Variants in ELAPOR2 observed in about 807,000 individuals in gnomAD.
The protein encoded by ELAPOR2 is endosome-lysosome associated apoptosis and autophagy regulator family member 2, also known as endosome/lysosome-associated apoptosis and autophagy regulator family member 2.
ELAPOR2 carries 89 observed loss-of-function variants against 120.7 expected under a neutral mutation model. The ratio of observed to expected loss-of-function variants is 0.74; its 90% confidence interval spans 0.62 to 0.88. ELAPOR2 has a LOEUF of 0.88. Among genes scored for constraint, ELAPOR2 ranks in the 40% least tolerant of loss-of-function variants. The pLI is 0.00. For synonymous variants in ELAPOR2, 444 were observed against 444.9 expected, an observed-to-expected ratio of 1.00 and a Z score of 0.03; for missense variants, 1,134 against 1,251.6, an observed-to-expected ratio of 0.91 and a Z score of 1.42.
intron 8 of ELAPOR2, among the ~76,000 whole-genome samples, chr7:86,928,046 T>A (rs1933865732): frequency 6.6e-6 from 1 of 152,024 alleles, no homozygotes; most frequent in Non-Finnish European, 1.5e-5. Context: ...GTAGATTAAC[T>A]TATCTGAAGA....
intron 1 of ELAPOR2, among the ~76,000 whole-genome samples, chr7:87,054,969 C>T (rs1795217243): frequency 6.6e-6 from 1 of 152,226 alleles, no homozygotes; most frequent in African/African-American, 2.4e-5. Context: ...CTACATGTCT[C>T]CTTTGTGAAC....
At chr7:86,922,818 C>A (rs1263630075) in intron 10 of ELAPOR2, among the ~76,000 whole-genome samples, 1 of 151,644 alleles carries the variant, frequency 6.6e-6, no homozygotes. Context: ...TCTATATATT[C>A]AATATTTTTC....
chr7:86,929,303 C>CT (rs2116254715), intron 8 of ELAPOR2, among the ~76,000 whole-genome samples: 1 of 151,914 alleles, frequency 6.6e-6, no homozygotes, highest in East Asian at 1.9e-4. Context: ...TGCACTAAGT[C>CT]TTTATAAATT....
chr7:86,891,986 G>A, intron 20 of ELAPOR2, 97 bp from the exon 21 acceptor site: 2 of 784,376 alleles, frequency 2.5e-6, no homozygotes, highest in Non-Finnish European at 3.9e-6. Context: ...TCATTAAATT[G>A]ACTTGGAGTA....
intron 1 of ELAPOR2, among the ~76,000 whole-genome samples, chr7:87,043,298 G>C (rs941877322): frequency 1.3e-5 from 2 of 151,304 alleles, no homozygotes; most frequent in African/African-American, 4.9e-5. Flanking sequence ...GTCAGGCAGA[G>C]ACACAACAAA....
At chr7:86,944,854 T>A in intron 4 of ELAPOR2, 45 bp downstream of exon 4, 1 of 1,467,884 alleles carries the variant, frequency 6.8e-7, no homozygotes, top group Non-Finnish European at 9.1e-7. Flanking sequence ...GAAATTTACA[T>A]GAATGTCCCT....
intron 21 of ELAPOR2, chr7:86,891,441 G>A (rs1300993338): frequency 6.8e-6 from 2 of 295,962 alleles, no homozygotes; most frequent in Middle Eastern, 9.0e-4. Context: ...AGTACACATA[G>A]CTATCTCAAT....
intron 2 of ELAPOR2, among the ~76,000 whole-genome samples, chr7:86,962,016 C>T (rs1428323056): frequency 6.6e-6 from 1 of 152,096 alleles, no homozygotes; most frequent in Non-Finnish European, 1.5e-5. Context: ...AACCAGAAGC[C>T]TCTTCATGCT....
At chr7:86,910,484 A>G (rs1194645509) in intron 15 of ELAPOR2, among the ~76,000 whole-genome samples, 1 of 152,154 alleles carries the variant, frequency 6.6e-6, no homozygotes, top group Non-Finnish European at 1.5e-5. Context: ...GTCATACTGC[A>G]GCAAAATTCT....
intron 8 of ELAPOR2, among the ~76,000 whole-genome samples, chr7:86,932,664 T>C (rs1454302722): frequency 6.6e-6 from 1 of 151,968 alleles, no homozygotes; most frequent in Non-Finnish European, 1.5e-5. Context: ...AATGAGAAAC[T>C]TACTGTTTTT....
intron 18 of ELAPOR2, among the ~76,000 whole-genome samples, chr7:86,900,231 GA>G (rs368923926): frequency 0.013 from 1,911 of 149,068 alleles, 43 homozygotes; most frequent in African/African-American, 0.043. Flanking sequence ...CTCAATAAAT[GA>G]AAAAAAAAGG....
At chr7:86,970,912 A>G (rs1792086208) in intron 1 of ELAPOR2, among the ~76,000 whole-genome samples, 1 of 152,172 alleles carries the variant, frequency 6.6e-6, no homozygotes, top group Admixed American at 6.6e-5. Context: ...TGCTCAATTC[A>G]TTTTTGAAAT....
intron 1 of ELAPOR2, among the ~76,000 whole-genome samples, chr7:86,971,773 C>T (rs774806184): frequency 6.6e-6 from 1 of 151,812 alleles, no homozygotes; most frequent in Non-Finnish European, 1.5e-5. Flanking sequence ...CAAGAAAAGC[C>T]GAAAGCTAAG....
At position 86,907,776 on chromosome 7, in the gene ELAPOR2, T is replaced by C; in HGVS notation, c.2457-5A>G. On this transcript the variant is annotated splice_region_variant and splice_polypyrimidine_tract_variant and intron_variant, in intron 17 of 21. Coordinates refer to ENST00000450689, the MANE Select transcript of ELAPOR2 (RefSeq NM_001142749.3). ...GATGTTGTTGCTGTAGAAGACCTAT[T>C]GTAAGCCAAATAACATTTTTAAAAA... 1 of 1,517,172 alleles carries C rather than the reference T, an allele frequency of 6.6e-7. No individual in the cohort carries two copies. Among genetic ancestry groups the C allele is most frequent in the Non-Finnish European group, 8.8e-7 (1 of 1,134,706 alleles). 94.0% of individuals were successfully genotyped at this position (1,517,172 alleles called of 1,614,324 possible).
chr7:86,902,750 T>G (rs1234997325), intron 18 of ELAPOR2, among the ~76,000 whole-genome samples: 1 of 152,128 alleles, frequency 6.6e-6, no homozygotes, highest in Non-Finnish European at 1.5e-5. Flanking sequence ...CTCTTATTCC[T>G]GGGTGGCAAC....
intron 1 of ELAPOR2, among the ~76,000 whole-genome samples, chr7:87,000,094 C>T (rs1404085922): frequency 8.5e-5 from 13 of 152,090 alleles, no homozygotes; most frequent in Non-Finnish European, 1.9e-4. Flanking sequence ...TTAAATGTGA[C>T]ATTTGATGAC....
chr7:86,962,515 C>G (rs1298471949), intron 2 of ELAPOR2, among the ~76,000 whole-genome samples: 1 of 152,162 alleles, frequency 6.6e-6, no homozygotes, highest in Admixed American at 6.5e-5. Flanking sequence ...TTATGGAGAC[C>G]TGGAAGCTTC....
intron 1 of ELAPOR2, among the ~76,000 whole-genome samples, chr7:86,984,728 A>G (rs1792648282): frequency 6.6e-6 from 1 of 152,210 alleles, no homozygotes; most frequent in Admixed American, 6.5e-5. Flanking sequence ...CCATAAGAGA[A>G]AGCATGAAAG....
At chr7:86,945,976 C>T (rs1790985005) in intron 3 of ELAPOR2, among the ~76,000 whole-genome samples, 1 of 151,886 alleles carries the variant, frequency 6.6e-6, no homozygotes, top group Non-Finnish European at 1.5e-5. Flanking sequence ...CATAAGAACC[C>T]ATGCCCAGAA....
Sources: gnomAD v4.1 joint callset for allele counts (sites outside exome capture counted in the v4.1 genomes callset) on GRCh38, gnomAD v4.1.1 for gene constraint, MANE v1.5 for transcripts, NCBI Gene and HGNC (gene_info 2026-07-23, HGNC 2026-07-21) for gene names.